ULK4: variants seen among roughly 807,000 people sequenced by gnomAD.
The protein encoded by ULK4 is unc-51 like kinase 4.
In ULK4, 133 loss-of-function variants were observed where a neutral mutation model predicts 160.6. That is an observed-to-expected ratio of 0.83 (90% CI 0.72 to 0.96). ULK4 has a LOEUF of 0.96. Ranked by LOEUF, ULK4 falls within the 40% of genes least tolerant of loss-of-function variation. The pLI is 0.00. For missense variants in ULK4, 1,580 were observed against 1,499.5 expected, an observed-to-expected ratio of 1.05 and a Z score of -0.89; for synonymous variants, 534 against 539.8, an observed-to-expected ratio of 0.99 and a Z score of 0.15.
At chr3:41,498,860 G>T (rs2085089049) in intron 32 of ULK4, among the ~76,000 whole-genome samples, 1 of 152,156 alleles carries the variant, frequency 6.6e-6, no homozygotes, top group Non-Finnish European at 1.5e-5. Flanking sequence ...TTCCCAAAGT[G>T]CTGGGATTAC....
chr3:41,772,141 C>T (rs901859650), intron 21 of ULK4, among the ~76,000 whole-genome samples: 5 of 151,960 alleles, frequency 3.3e-5, no homozygotes, highest in Non-Finnish European at 7.4e-5. Context: ...AATTGACACC[C>T]TATCACAATT....
chr3:41,898,511 G>T lies in ULK4; in HGVS notation c.1288-19C>A. 6.7e-7 allele frequency: 1 copy of T among 1,498,916 alleles called. No individual in the cohort carries two copies. 92.9% of individuals were successfully genotyped at this position (1,498,916 alleles called of 1,614,324 possible). A position where few individuals can be genotyped will look rare whatever the true frequency, so the allele number is the denominator to read the frequency against. ...TCATTATCTGTGGTTTAAAAAAAAA[G>T]AAAGCTTTTGAGACAATTTTTAAGA... On this transcript the variant is annotated intron_variant, in intron 13 of 36. Transcript: ENST00000301831.
At chr3:41,855,960 A>AC (rs2042328004) in intron 17 of ULK4, among the ~76,000 whole-genome samples, 1 of 152,206 alleles carries the variant, frequency 6.6e-6, no homozygotes, top group Non-Finnish European at 1.5e-5. Flanking sequence ...ATAGCAGCAA[A>AC]CATAGAAGCT....
chr3:41,921,542 G>A (rs1232356541), intron 5 of ULK4, among the ~76,000 whole-genome samples: 1 of 152,100 alleles, frequency 6.6e-6, no homozygotes, highest in Non-Finnish European at 1.5e-5. Context: ...ATGAACCCAG[G>A]AGGCGGAGTT....
chr3:41,774,809 A>G (rs1191259775), intron 21 of ULK4, among the ~76,000 whole-genome samples: 1 of 150,634 alleles, frequency 6.6e-6, no homozygotes, highest in African/African-American at 2.5e-5. Flanking sequence ...AATAGCAAAA[A>G]CTTGGAACCA....
At chr3:41,595,521 A>T (rs894589760) in intron 31 of ULK4, among the ~76,000 whole-genome samples, 1 of 152,236 alleles carries the variant, frequency 6.6e-6, no homozygotes, top group Non-Finnish European at 1.5e-5. Flanking sequence ...AAAAAAGAAA[A>T]GGTGTTCCAA....
intron 33 of ULK4, among the ~76,000 whole-genome samples, chr3:41,456,974 T>C (rs564717581): frequency 2.9e-4 from 44 of 152,344 alleles, no homozygotes; most frequent in Non-Finnish European, 4.0e-4. Context: ...ACAAGGGTCA[T>C]CATTAGCTCG....
intron 35 of ULK4, among the ~76,000 whole-genome samples, chr3:41,336,096 CAGCTCTGGAG>C (rs1256025587): frequency 1.3e-5 from 2 of 152,148 alleles, no homozygotes; most frequent in African/African-American, 4.8e-5. Context: ...TAAACTTACT[CAGCTCTGGAG>C]ACCAGGCTAG....
intron 32 of ULK4, among the ~76,000 whole-genome samples, chr3:41,493,612 A>G (rs1237043705): frequency 1.5e-5 from 2 of 136,532 alleles, no homozygotes; most frequent in African/African-American, 2.8e-5. Flanking sequence ...GACACAAAAA[A>G]CCCTTCAAAA....
intron 35 of ULK4, among the ~76,000 whole-genome samples, chr3:41,304,981 ACAT>A (rs2079876910): frequency 6.6e-6 from 1 of 152,322 alleles, no homozygotes; most frequent in South Asian, 2.1e-4. Context: ...GAGGTGGGGA[ACAT>A]TCTCCTAATA....
rs184771624 is a variant in ULK4, at chr3:41,396,130, G to A, written c.3678+1949C>T. 1.1e-4 allele frequency among the ~76,000 whole-genome samples: 17 copies of A among 151,900 alleles called. No homozygotes were observed. In the East Asian group the frequency reaches 2.9e-3, roughly 26 times the overall value. On this transcript the variant is annotated intron_variant, in intron 35 of 36. Transcript: ENST00000301831. ...ATCCAAACTTTTTTTCGTAAGTTTT[G>A]TTCAAAAACACATACGGTAGCAAAA...
intron 35 of ULK4, among the ~76,000 whole-genome samples, chr3:41,386,199 A>G (rs775216822): frequency 1.3e-5 from 2 of 152,134 alleles, no homozygotes; most frequent in African/African-American, 4.8e-5. Flanking sequence ...TATTATCTCA[A>G]TATTGATAAC....
At chr3:41,438,978 TA>T (rs10591684) in intron 34 of ULK4, among the ~76,000 whole-genome samples, 3,573 of 134,432 alleles carry the variant, frequency 0.027, 65 homozygotes, top group African/African-American at 0.056. Context: ...CAGGAAAATT[TA>T]AAAAAAAAAA....
At chr3:41,506,767 A>ATATATATATAT (rs1553684747) in intron 32 of ULK4, among the ~76,000 whole-genome samples, 1 of 56,766 alleles carries the variant, frequency 1.8e-5, no homozygotes, top group African/African-American at 8.2e-5. Flanking sequence ...TGTGATTTAA[A>ATATATATATAT]ATATATATAT....
intron 9 of ULK4, 66 bp from the exon 10 acceptor site, chr3:41,911,725 A>G: frequency 8.2e-7 from 1 of 1,212,866 alleles, no homozygotes; most frequent in Non-Finnish European, 1.2e-6. Flanking sequence ...TATGTTAGAG[A>G]AAAAGAGGTT....
intron 34 of ULK4, among the ~76,000 whole-genome samples, chr3:41,433,781 G>A (rs187398350): frequency 2.2e-4 from 34 of 152,166 alleles, no homozygotes; most frequent in Non-Finnish European, 3.7e-4. Context: ...GTGCAATGGC[G>A]CGATCCAGGC....
At chr3:41,334,885 G>A (rs2080522669) in intron 35 of ULK4, among the ~76,000 whole-genome samples, 1 of 152,332 alleles carries the variant, frequency 6.6e-6, no homozygotes, top group African/African-American at 2.4e-5. Context: ...AAAGAGGGAA[G>A]GAAGAAGTGA....
intron 21 of ULK4, among the ~76,000 whole-genome samples, chr3:41,780,981 G>C (rs1160028709): frequency 6.9e-6 from 1 of 145,548 alleles, no homozygotes; most frequent in Non-Finnish European, 1.6e-5. Context: ...GAGATATAAA[G>C]AAAGAGAGGT....
intron 35 of ULK4, among the ~76,000 whole-genome samples, chr3:41,368,151 CA>C (rs1159080523): frequency 6.6e-6 from 1 of 151,722 alleles, no homozygotes. Context: ...GGGTTAACGC[CA>C]TTCTCCTGCC....
Sources: allele counts gnomAD v4.1 joint callset (sites outside exome capture counted in the v4.1 genomes callset), GRCh38; gene constraint gnomAD v4.1.1; transcripts MANE v1.5; gene names NCBI Gene and HGNC (gene_info 2026-07-23, HGNC 2026-07-21).